PRKAR1B: variants seen among roughly 807,000 people sequenced by gnomAD.
PRKAR1B encodes the protein protein kinase cAMP-dependent type I regulatory subunit beta.
In PRKAR1B, 22 loss-of-function variants were observed where a neutral mutation model predicts 46.5. The ratio of observed to expected loss-of-function variants is 0.47; its 90% CI spans 0.34 to 0.68. PRKAR1B has a LOEUF of 0.68. Ranked by LOEUF, PRKAR1B falls within the 30% of genes least tolerant of loss-of-function variation. PRKAR1B has a pLI of 0.01. For synonymous variants in PRKAR1B, 259 were observed against 217.7 expected (o/e 1.19, Z -1.67); for missense variants, 445 against 535.6 (o/e 0.83, Z 1.67).
chr7:584,808 T>C (rs1780505957), intron 7 of PRKAR1B, among the ~76,000 whole-genome samples: 1 of 152,138 alleles, frequency 6.6e-6, no homozygotes, highest in South Asian at 2.1e-4. Flanking sequence ...CTAAGTGTCC[T>C]GGCTGGCAGC....
At chr7:674,542 G>A (rs1237222778) in intron 4 of PRKAR1B, among the ~76,000 whole-genome samples, 1 of 150,796 alleles carries the variant, frequency 6.6e-6, no homozygotes, top group African/African-American at 2.5e-5. Flanking sequence ...GCCAAACCCA[G>A]CTATTCCAGC....
chr7:715,708 A>T (rs1780847376), intron 1 of PRKAR1B, among the ~76,000 whole-genome samples: 1 of 151,874 alleles, frequency 6.6e-6, no homozygotes, highest in African/African-American at 2.4e-5. Context: ...CTCCAACCAA[A>T]GAGCCACATT....
At chr7:716,877 G>T (rs982278027) in intron 1 of PRKAR1B, 52 of 152,334 alleles carry the variant, frequency 3.4e-4, no homozygotes, top group African/African-American at 1.2e-3. Flanking sequence ...GCATGTGATT[G>T]TGGCTGATGG....
intron 4 of PRKAR1B, among the ~76,000 whole-genome samples, chr7:673,372 G>A (rs1043898281): frequency 5.3e-5 from 8 of 152,066 alleles, no homozygotes; most frequent in Admixed American, 3.3e-4. Context: ...CAGCTCAGCC[G>A]GGCGCGGTGG....
intron 4 of PRKAR1B, among the ~76,000 whole-genome samples, chr7:647,210 G>A (rs545340833): frequency 2.6e-5 from 4 of 152,222 alleles, no homozygotes; most frequent in South Asian, 2.1e-4. Flanking sequence ...CCCAACCTGC[G>A]GATCAGCCTT....
At chr7:711,759 G>C (rs4074133) in intron 1 of PRKAR1B, among the ~76,000 whole-genome samples, 13,665 of 152,196 alleles carry the variant, frequency 0.09, 828 homozygotes, top group Admixed American at 0.15. Context: ...GCTCAGGCAG[G>C]GGGGGAGGGG....
intron 2 of PRKAR1B, among the ~76,000 whole-genome samples, chr7:690,769 G>C (rs1468666500): frequency 6.6e-6 from 1 of 152,150 alleles, no homozygotes; most frequent in African/African-American, 2.4e-5. Context: ...GACGCTCAGA[G>C]GCCTGATGCC....
chr7:727,296 C>T (rs1470405751), upstream of PRKAR1B: 2 of 1,301,478 alleles, frequency 1.5e-6, no homozygotes, highest in South Asian at 2.2e-5. Context: ...GCGCCGCCGC[C>T]CTGGCGCAGG....
chr7:588,816 A>G (rs1378249395), intron 7 of PRKAR1B, among the ~76,000 whole-genome samples: 1,114 of 41,204 alleles, frequency 0.027, 1 homozygote, highest in Admixed American at 0.045. Context: ...GGTGATCACG[A>G]TGATGGTGGT....
chr7:685,335 T>C (rs1452582835), intron 2 of PRKAR1B, among the ~76,000 whole-genome samples: 1 of 91,752 alleles, frequency 1.1e-5, no homozygotes, highest in African/African-American at 4.7e-5. Context: ...TACGTATATA[T>C]ACGTATATAT....
At chr7:712,687 A>G (rs951666819) in intron 1 of PRKAR1B, 1 of 114,032 alleles carries the variant, frequency 8.8e-6, no homozygotes, top group Non-Finnish European at 1.8e-5. Context: ...GGTTCAGGCC[A>G]TCGCTGCCAG....
At chr7:604,964 C>G (rs1036174295) in intron 6 of PRKAR1B, among the ~76,000 whole-genome samples, 10 of 152,190 alleles carry the variant, frequency 6.6e-5, no homozygotes, top group African/African-American at 1.9e-4. Flanking sequence ...CCCAAAGCGT[C>G]CTGCACTGTG....
At chr7:710,643 CTTTTTTTTT>C (rs1177446855) in intron 2 of PRKAR1B, among the ~76,000 whole-genome samples, 1 of 137,630 alleles carries the variant, frequency 7.3e-6, no homozygotes, top group Non-Finnish European at 1.6e-5. Context: ...TTTCTTTTTC[CTTTTTTTTT>C]TTTTTTTTTT....
chr7:660,706 C>G (rs1214595691), intron 4 of PRKAR1B, among the ~76,000 whole-genome samples: 3 of 129,484 alleles, frequency 2.3e-5, no homozygotes, highest in African/African-American at 9.0e-5. Context: ...AATCCAAATA[C>G]CTACTCTCCC....
chr7:564,540 C>T (rs1354181565), intron 9 of PRKAR1B, among the ~76,000 whole-genome samples: 3 of 152,214 alleles, frequency 2.0e-5, no homozygotes, highest in Non-Finnish European at 4.4e-5. Context: ...ACTCAGGTCC[C>T]CGCCCCACCG....
At chr7:697,964 AGGAAG>A (rs1162009929) in intron 2 of PRKAR1B, among the ~76,000 whole-genome samples, 3 of 64,472 alleles carry the variant, frequency 4.7e-5, no homozygotes, top group Non-Finnish European at 6.2e-5. Flanking sequence ...AGGGAAGGGA[AGGAAG>A]GGAAGGGAAG....
At chr7:573,106 C>T (rs967315563) in intron 9 of PRKAR1B, among the ~76,000 whole-genome samples, 4 of 152,186 alleles carry the variant, frequency 2.6e-5, no homozygotes, top group Admixed American at 1.3e-4. Flanking sequence ...CAATAAGCTG[C>T]GAAGCGCGTC....
intron 9 of PRKAR1B, among the ~76,000 whole-genome samples, chr7:551,817 A>C (rs1321926613): frequency 1.7e-4 from 11 of 65,624 alleles, no homozygotes; most frequent in Non-Finnish European, 2.2e-4. Context: ...CCAAACCCCC[A>C]CCTCCCACCC....
At chr7:726,165 C>T (rs186716236) in intron 1 of PRKAR1B, among the ~76,000 whole-genome samples, 58 of 152,352 alleles carry the variant, frequency 3.8e-4, no homozygotes, top group African/African-American at 1.1e-3. Context: ...TCTACCTGGG[C>T]AGCGAGTAAG....
Sources: gnomAD v4.1 joint callset for allele counts (sites outside exome capture counted in the v4.1 genomes callset) on GRCh38, gnomAD v4.1.1 for gene constraint, MANE v1.5 for transcripts, NCBI Gene and HGNC (gene_info 2026-07-23, HGNC 2026-07-21) for gene names.